TASOR: variants seen among roughly 807,000 people sequenced by gnomAD.
The protein encoded by TASOR is protein TASOR.
TASOR carries 53 observed loss-of-function variants against 178.6 expected under a neutral mutation model. The observed-to-expected ratio is 0.30, with a 90% CI of 0.24 to 0.37. The LOEUF is 0.37. Among genes scored for constraint, TASOR ranks in the 10% least tolerant of loss-of-function variants. The pLI is 1.00. For missense variants in TASOR, 1,815 were observed against 1,971.4 expected, an observed-to-expected ratio of 0.92 and a Z score of 1.50; for synonymous variants, 713 against 696.2, an observed-to-expected ratio of 1.02 and a Z score of -0.38.
chr3:56,666,625 T>C (rs1023317205), intron 6 of TASOR, among the ~76,000 whole-genome samples: 2 of 152,204 alleles, frequency 1.3e-5, no homozygotes, highest in African/African-American at 2.4e-5. Context: ...AAAAGTTTAC[T>C]TCTGAAGAGT....
At chr3:56,658,377 G>A (rs1387871563) in intron 11 of TASOR, among the ~76,000 whole-genome samples, 2 of 152,164 alleles carry the variant, frequency 1.3e-5, no homozygotes, top group East Asian at 1.9e-4. Flanking sequence ...GAAAGATATT[G>A]TAATTTTCTG....
Position 56,624,850 on chromosome 3 carries a change from T to C in TASOR, c.4296A>G (p.Gln1432=). The C allele has an allele frequency of 3.1e-6, 5 of 1,614,168 alleles. No individual in the cohort carries two copies. The highest frequency in any genetic ancestry group is 4.2e-6 in the Non-Finnish European group (5 of 1,180,022). Reference sequence around the variant, plus strand: ...TACCTGTTAAAAAGACTATGTGTCGTTGCTGTATGTTCTGAGCCTGAAGTC... The same window carrying C: ...TACCTGTTAAAAAGACTATGTGTCGCTGCTGTATGTTCTGAGCCTGAAGTC... The part of the protein sequence containing the change: ...LIRLQAQNIQ[Q]RHIVFLTEKN... Residue 1432 remains glutamine (Q), a synonymous_variant, in exon 22 of 24, where the codon CAA becomes CAG. Transcript: ENST00000683822.
At chr3:56,650,490 C>T (rs1342700544) in intron 11 of TASOR, among the ~76,000 whole-genome samples, 3 of 152,092 alleles carry the variant, frequency 2.0e-5, no homozygotes. Context: ...CAGATAAAGT[C>T]ATGGGGTCAG....
At chr3:56,629,535 CCA>C (rs2076867464) in intron 18 of TASOR, among the ~76,000 whole-genome samples, 1 of 152,168 alleles carries the variant, frequency 6.6e-6, no homozygotes, top group Non-Finnish European at 1.5e-5. Flanking sequence ...TACAAATTAG[CCA>C]TTTCTGTCAA....
At chr3:56,656,924 T>G (rs1258573592) in intron 11 of TASOR, among the ~76,000 whole-genome samples, 2 of 148,892 alleles carry the variant, frequency 1.3e-5, no homozygotes, top group Non-Finnish European at 3.0e-5. Context: ...GCAGGAGAAC[T>G]GCTTGAACCC....
In TASOR at chr3:56,660,781, T is replaced by G. The variant is rs1187822849; in HGVS notation, c.1318A>C (p.Ile440Leu). Residue 440 changes from isoleucine (I) to leucine (L), a missense_variant, in exon 11 of 24, where the codon ATT (isoleucine) becomes CTT (leucine). Physicochemically the swap from Ile to Leu is conservative, Grantham distance 5 (BLOSUM62 2). Transcript: ENST00000683822. The part of the protein sequence containing the change: ...SLYEVVEKTR[I>L]GSNMESLLQK... ...AGTAAACTCTCCATGTTACTTCCAA[T>G]TCTTGTCTTTTCCACAACTTCATAA... 6.2e-7 allele frequency: 1 copy of G among 1,613,702 alleles called. No homozygotes were observed. The highest frequency in any genetic ancestry group is 8.5e-7 in the Non-Finnish European group (1 of 1,179,986).
intron 1 of TASOR, among the ~76,000 whole-genome samples, chr3:56,677,036 T>C (rs2031363427): frequency 6.6e-6 from 1 of 152,252 alleles, no homozygotes; most frequent in Admixed American, 6.5e-5. Flanking sequence ...AAAATTATCC[T>C]GCAACTATTT....
Position 56,641,661 on chromosome 3 carries a change from A to C in TASOR, c.2307T>G (p.His769Gln), listed in dbSNP as rs149357423. 2.1e-5 allele frequency: 34 copies of C among 1,614,100 alleles called. No homozygotes were observed. The highest frequency in any genetic ancestry group is 2.9e-5 in the Non-Finnish European group (34 of 1,180,040). Reference sequence around the variant, plus strand: ...TTTCTGATAACCAATTAAACAGCCTATGGATGTCAGCAATGCCGGAGTTAC... The same window carrying C: ...TTTCTGATAACCAATTAAACAGCCTCTGGATGTCAGCAATGCCGGAGTTAC... ...DTCNSGIADI[H>Q]RLFNWLSETL... Residue 769 changes from histidine (H) to glutamine (Q), a missense_variant, in exon 15 of 24, where the codon CAT becomes CAG. This residue lies in a region of TASOR where 655 missense variants were observed against 671.1 expected (regional missense o/e 0.98). Transcript: ENST00000683822.
At chr3:56,637,472 G>C (rs1460848126) in intron 17 of TASOR, among the ~76,000 whole-genome samples, 1 of 151,768 alleles carries the variant, frequency 6.6e-6, no homozygotes, top group Non-Finnish European at 1.5e-5. Flanking sequence ...AGTGAACCAA[G>C]ATCATGCCAT....
intron 11 of TASOR, among the ~76,000 whole-genome samples, chr3:56,653,875 C>T (rs2077412989): frequency 6.6e-6 from 1 of 151,962 alleles, no homozygotes; most frequent in Non-Finnish European, 1.5e-5. Flanking sequence ...AAATACTGCA[C>T]ATTAAAACGT....
At chr3:56,635,795 C>A (rs182330091) in intron 17 of TASOR, among the ~76,000 whole-genome samples, 43 of 152,228 alleles carry the variant, frequency 2.8e-4, no homozygotes, top group Non-Finnish European at 1.8e-4. Context: ...TTAAATGCAA[C>A]AGTGGCTCCC....
rs1578265128 is a variant in TASOR, at chr3:56,661,153, C to T, written c.1161-136G>A. 4.8e-6 allele frequency: 3 copies of T among 628,510 alleles called. No homozygotes were observed. In the South Asian group the frequency reaches 6.3e-5, roughly 13 times the overall value. The allele number at this position is 628,510 out of a possible 1,614,324, so 38.9% of individuals were successfully genotyped here. Reference sequence around the variant, plus strand: ...GAATATCTCACCTTATTCTAAAGATCTTTTGTTTCGTTTGTGACAGTCTCA... The same window carrying T: ...GAATATCTCACCTTATTCTAAAGATTTTTTGTTTCGTTTGTGACAGTCTCA... On this transcript the variant is annotated intron_variant, in intron 9 of 23. Transcript: ENST00000683822.
chr3:56,636,700 T>A (rs942888195), intron 17 of TASOR, among the ~76,000 whole-genome samples: 8 of 151,336 alleles, frequency 5.3e-5, no homozygotes, highest in Non-Finnish European at 1.0e-4. Flanking sequence ...CGTGCTTTTT[T>A]AAAAAAAAAC....
intron 14 of TASOR, 48 bp from the exon 15 acceptor site, chr3:56,641,800 T>A: frequency 6.6e-7 from 1 of 1,518,214 alleles, no homozygotes; most frequent in Non-Finnish European, 8.8e-7. Context: ...AAAGCAAGCA[T>A]AAAACTTTTA....
chr3:56,639,995 G>C lies in TASOR; in HGVS notation c.2755C>G (p.Pro919Ala). The C allele has an allele frequency of 6.2e-7, 1 of 1,603,066 alleles. No individual in the cohort carries two copies. Among genetic ancestry groups the C allele is most frequent in the Non-Finnish European group, 8.5e-7 (1 of 1,176,284 alleles). ...EETEIHWKLI[P>A]ITGGNARSPE... ...AGTATACTTTTCTTACCTGTAATTG[G>C]AATCAGTTTCCAATGTATTTCAGTC... Residue 919 changes from proline to alanine, a missense_variant, in exon 16 of 24, where the codon CCA becomes GCA. Physicochemically the swap from Pro to Ala is conservative, Grantham distance 27. Transcript: ENST00000683822.
chr3:56,653,262 C>CAAAAAAAAAAAAAAA (rs1176419181), intron 11 of TASOR, among the ~76,000 whole-genome samples: 2 of 4,974 alleles, frequency 4.0e-4, no homozygotes, highest in African/African-American at 5.8e-4. Flanking sequence ...GACTCCATCT[C>CAAAAAAAAAAAAAAA]AAAAAAAAAA....
rs1282995995 is a variant in TASOR, at chr3:56,620,740, T to C, written c.*2297A>G. The C allele has an allele frequency of 6.6e-6, 1 of 152,112 alleles. No individual in the cohort carries two copies. Among genetic ancestry groups the C allele is most frequent in the Non-Finnish European group, 1.5e-5 (1 of 68,042 alleles). 9.4% of individuals were successfully genotyped at this position (152,112 alleles called of 1,614,324 possible). ...CTTCTTGCTTAGTGGAGACAAAAAT[T>C]GTGAGATAAAGAGGAAGGAATAGGA... On this transcript the variant is annotated 3_prime_UTR_variant, in exon 24 of 24. Transcript: ENST00000683822.
At chr3:56,640,437 T>A (rs1447019531) in intron 15 of TASOR, among the ~76,000 whole-genome samples, 1 of 152,166 alleles carries the variant, frequency 6.6e-6, no homozygotes, top group Admixed American at 6.5e-5. Context: ...TGGACACAGC[T>A]GTACTCCAAT....
At chr3:56,667,080 CG>C (rs1268096380) in intron 6 of TASOR, among the ~76,000 whole-genome samples, 1 of 152,080 alleles carries the variant, frequency 6.6e-6, no homozygotes, top group Admixed American at 6.6e-5. Flanking sequence ...TTTTAAAAAA[CG>C]TAAGGCCAGT....
Sources: gnomAD v4.1 joint callset for allele counts (sites outside exome capture counted in the v4.1 genomes callset) on GRCh38, gnomAD v4.1.1 for gene constraint, gnomAD v4.1.1 regional missense constraint, MANE v1.5 for transcripts, NCBI Gene and HGNC (gene_info 2026-07-23, HGNC 2026-07-21) for gene names.